Variants in MPP7 observed in about 807,000 individuals in gnomAD.
MPP7 encodes the protein MAGUK p55 subfamily member 7.
MPP7 carries 60 observed loss-of-function variants against 76.5 expected under a neutral mutation model. The observed-to-expected ratio is 0.78, with a 90% CI of 0.64 to 0.97. The LOEUF (loss-of-function observed/expected upper bound fraction) is 0.97. Among genes scored for constraint, MPP7 ranks in the 50% least tolerant of loss-of-function variants. MPP7 has a pLI of 0.00. For synonymous variants in MPP7, 237 were observed against 244.5 expected (o/e 0.97, Z 0.29); for missense variants, 641 against 694.0 (o/e 0.92, Z 0.86).
intron 1 of MPP7, among the ~76,000 whole-genome samples, chr10:28,281,224 C>A (rs1420975332): frequency 1.3e-5 from 2 of 152,002 alleles, no homozygotes; most frequent in Non-Finnish European, 1.5e-5. Context: ...GGATTACCAG[C>A]GCACGCCACT....
chr10:28,317,464 G>A (rs1023897713), intron 2 of MPP7, among the ~76,000 whole-genome samples: 2 of 152,156 alleles, frequency 1.3e-5, no homozygotes, highest in South Asian at 2.1e-4. Context: ...TCAAGAGTTC[G>A]AGGCTGCAGT....
chr10:28,098,254 TG>T (rs1182961744), intron 11 of MPP7, among the ~76,000 whole-genome samples: 1 of 151,930 alleles, frequency 6.6e-6, no homozygotes, highest in East Asian at 1.9e-4. Flanking sequence ...GAAATGAAGT[TG>T]AAACTATTAA....
Position 28,150,021 on chromosome 10 carries a change from C to G in MPP7, c.195G>C (p.Pro65=), listed in dbSNP as rs758063465. The G allele has an allele frequency of 1.9e-6, 3 of 1,613,604 alleles. No homozygotes were observed. Among genetic ancestry groups the G allele is most frequent in the South Asian group, 1.1e-5 (1 of 91,014 alleles). Residue 65 remains proline, a synonymous_variant, in exon 4 of 17, where the codon CCG becomes CCC. Coordinates refer to ENST00000683449, the MANE Select transcript of MPP7 (RefSeq NM_001318170.2). The stretch of plus-strand genomic sequence containing the variant: ...CCGCCGCACCATGGAGAATGGGCAC[C>G]GGACTCTGCTTCTCATAGTAGTGTA... ...EKLHYYEKQS[P]VPILHGAAAL...
At chr10:28,259,513 G>A (rs1839884007) in intron 1 of MPP7, among the ~76,000 whole-genome samples, 1 of 148,528 alleles carries the variant, frequency 6.7e-6, no homozygotes, top group Non-Finnish European at 1.5e-5. Flanking sequence ...CCAGGAGGTG[G>A]GACTGAACCA....
At chr10:28,100,548 G>C (rs1260811045) in intron 11 of MPP7, among the ~76,000 whole-genome samples, 1 of 152,230 alleles carries the variant, frequency 6.6e-6, no homozygotes, top group South Asian at 2.1e-4. Context: ...CATTTTCATG[G>C]ATTATATTAG....
chr10:28,301,797 T>C (rs558954860), intron 1 of MPP7, among the ~76,000 whole-genome samples: 3 of 152,048 alleles, frequency 2.0e-5, no homozygotes, highest in Admixed American at 6.5e-5. Flanking sequence ...AGAACCAGAG[T>C]GAACCTGAGC....
chr10:28,160,823 G>T (rs1836234089), intron 3 of MPP7, among the ~76,000 whole-genome samples: 2 of 152,220 alleles, frequency 1.3e-5, no homozygotes, highest in East Asian at 3.9e-4. Flanking sequence ...TCAGAACCAG[G>T]TGTTACTTTT....
intron 1 of MPP7, chr10:28,289,448 T>C (rs1469146758): frequency 6.6e-6 from 1 of 152,226 alleles, no homozygotes; most frequent in Non-Finnish European, 1.5e-5. Context: ...AATCTCTGCC[T>C]TTTTAACAGA....
At chr10:28,248,907 G>A (rs1024632521) in intron 1 of MPP7, among the ~76,000 whole-genome samples, 2 of 152,028 alleles carry the variant, frequency 1.3e-5, no homozygotes, top group South Asian at 2.1e-4. Flanking sequence ...GGACCAAGTC[G>A]CCTAACAACA....
chr10:28,325,504 C>G (rs932058224), intron 2 of MPP7, among the ~76,000 whole-genome samples: 6 of 150,776 alleles, frequency 4.0e-5, no homozygotes, highest in Non-Finnish European at 5.9e-5. Context: ...TCTTTTTTTT[C>G]TTTTTTTGAG....
intron 3 of MPP7, among the ~76,000 whole-genome samples, chr10:28,151,055 T>C (rs1385242971): frequency 6.6e-6 from 1 of 152,242 alleles, no homozygotes; most frequent in Non-Finnish European, 1.5e-5. Context: ...CCTCACAATT[T>C]CCTGTCTTTA....
chr10:28,319,658 A>G (rs1165811153), intron 2 of MPP7, among the ~76,000 whole-genome samples: 3 of 151,830 alleles, frequency 2.0e-5, no homozygotes, highest in Non-Finnish European at 4.4e-5. Context: ...GGGGTATTTA[A>G]ATGTTGACAC....
chr10:28,132,198 TTG>T (rs1222867318), intron 5 of MPP7, among the ~76,000 whole-genome samples: 1 of 152,178 alleles, frequency 6.6e-6, no homozygotes, highest in Admixed American at 6.5e-5. Context: ...CTCACTTTAA[TTG>T]TGTGTGTAAT....
At chr10:28,152,724 T>G (rs1328402377) in intron 3 of MPP7, among the ~76,000 whole-genome samples, 1 of 152,124 alleles carries the variant, frequency 6.6e-6, no homozygotes, top group Non-Finnish European at 1.5e-5. Flanking sequence ...ATGACATAAC[T>G]TTATGCAGTC....
intron 3 of MPP7, among the ~76,000 whole-genome samples, chr10:28,199,017 G>A (rs754044933): frequency 4.6e-5 from 7 of 152,244 alleles, no homozygotes; most frequent in Non-Finnish European, 1.0e-4. Flanking sequence ...AGTTCCATGC[G>A]GCTGGGGAAG....
chr10:28,089,529 G>T, intron 12 of MPP7, 142 bp downstream of exon 12: 2 of 733,902 alleles, frequency 2.7e-6, no homozygotes, highest in Admixed American at 5.0e-5. Flanking sequence ...AAAAACTAAA[G>T]ATTTTGTTTC....
chr10:28,220,727 T>C (rs1157117204), intron 2 of MPP7, among the ~76,000 whole-genome samples: 1 of 152,148 alleles, frequency 6.6e-6, no homozygotes, highest in Non-Finnish European at 1.5e-5. Flanking sequence ...GTTGTAGAGA[T>C]GATGTAGTAG....
rs1307656708 is a variant in MPP7 at position 28,147,503 on chromosome 10, G to A, written c.295C>T (p.Leu99=). 3.7e-6 allele frequency: 6 copies of A among 1,613,892 alleles called. No homozygotes were observed. The highest frequency in any genetic ancestry group is 5.1e-6 in the Non-Finnish European group (6 of 1,179,898). The stretch of plus-strand genomic sequence containing the variant: ...CTCACCTTCACATTGGGTTTTGACA[G>A]TAGTTTCAACAGCTCTCTGATCTCA... The part of the protein sequence containing the change: ...NSEIRELLKL[L]SKPNVKALLS... Residue 99 remains leucine, a synonymous_variant, in exon 5 of 17, where the codon CTG becomes TTG. Coordinates refer to ENST00000683449, the MANE Select transcript of MPP7 (RefSeq NM_001318170.2).
At chr10:28,182,079 A>G (rs1415181082) in intron 3 of MPP7, among the ~76,000 whole-genome samples, 2 of 152,120 alleles carry the variant, frequency 1.3e-5, no homozygotes, top group African/African-American at 4.8e-5. Flanking sequence ...GAGTGGAGTG[A>G]GCCCAGACCA....
Sources: allele counts gnomAD v4.1 joint callset (sites outside exome capture counted in the v4.1 genomes callset), GRCh38; gene constraint gnomAD v4.1.1; transcripts MANE v1.5; gene names NCBI Gene and HGNC (gene_info 2026-07-23, HGNC 2026-07-21).